PLOD2: variants seen among roughly 807,000 people sequenced by gnomAD.
PLOD2 encodes procollagen-lysine,2-oxoglutarate 5-dioxygenase 2.
A neutral mutation model predicts 101.0 loss-of-function variants in PLOD2; 65 were observed. That is an observed-to-expected ratio of 0.64 (90% CI 0.53 to 0.79). The LOEUF (loss-of-function observed/expected upper bound fraction) is 0.79. Among genes scored for constraint, PLOD2 ranks in the 30% least tolerant of loss-of-function variants. The probability of loss-of-function intolerance (pLI) is 0.00; values close to 1 mark genes in which losing one functional copy is unlikely to be tolerated. For missense variants in PLOD2, 909 were observed against 914.6 expected, an observed-to-expected ratio of 0.99 and a Z score of 0.08; for synonymous variants, 314 against 302.9, an observed-to-expected ratio of 1.04 and a Z score of -0.38.
chr3:146,106,485 C>T, intron 5 of PLOD2, 47 bp downstream of exon 5: 1 of 884,470 alleles, frequency 1.1e-6, no homozygotes, highest in Non-Finnish European at 1.9e-6. Context: ...ATATAACACA[C>T]AAAACAACCA....
intron 1 of PLOD2, among the ~76,000 whole-genome samples, chr3:146,141,850 C>T (rs1018363338): frequency 2.0e-5 from 3 of 151,930 alleles, no homozygotes; most frequent in African/African-American, 7.3e-5. Flanking sequence ...ATAAGTTCAA[C>T]AACACGAAGA....
At chr3:146,157,993 T>C (rs1399423771) in intron 1 of PLOD2, among the ~76,000 whole-genome samples, 1 of 152,224 alleles carries the variant, frequency 6.6e-6, no homozygotes, top group African/African-American at 2.4e-5. Context: ...ATACTGGTCT[T>C]GACAGAAACA....
chr3:146,097,175 TG>T (rs1293869675), intron 7 of PLOD2, among the ~76,000 whole-genome samples: 3 of 108,420 alleles, frequency 2.8e-5, no homozygotes, highest in Non-Finnish European at 5.8e-5. Flanking sequence ...GGGAGGGAGG[TG>T]GGGGGTCAGC....
intron 7 of PLOD2, among the ~76,000 whole-genome samples, chr3:146,093,651 A>G (rs186781430): frequency 1.3e-5 from 2 of 152,298 alleles, no homozygotes; most frequent in African/African-American, 4.8e-5. Flanking sequence ...AGTTTTTTTA[A>G]AAGACAGAAA....
chr3:146,078,610 T>C (rs1936424880), intron 13 of PLOD2, among the ~76,000 whole-genome samples: 2 of 151,880 alleles, frequency 1.3e-5, no homozygotes, highest in Admixed American at 6.6e-5. Context: ...ACACTATGTA[T>C]CTCAACACTT....
At chr3:146,140,262 T>C (rs1377070477) in intron 1 of PLOD2, among the ~76,000 whole-genome samples, 2 of 152,014 alleles carry the variant, frequency 1.3e-5, no homozygotes, top group Non-Finnish European at 2.9e-5. Flanking sequence ...CTTATGACAA[T>C]TCATCAAAAG....
chr3:146,083,487 C>T (rs1016749801), intron 11 of PLOD2, among the ~76,000 whole-genome samples: 6 of 152,038 alleles, frequency 3.9e-5, no homozygotes, highest in Non-Finnish European at 5.9e-5. Flanking sequence ...TAAACCTAAA[C>T]CTTTGATTAA....
chr3:146,111,925 C>A (rs982367753), intron 3 of PLOD2, among the ~76,000 whole-genome samples: 3 of 151,930 alleles, frequency 2.0e-5, no homozygotes, highest in African/African-American at 7.3e-5. Context: ...GGCAAATAAA[C>A]TAAAGTCTCT....
chr3:146,096,865 C>CT (rs1937188085), intron 7 of PLOD2, among the ~76,000 whole-genome samples: 1 of 62,380 alleles, frequency 1.6e-5, no homozygotes. Flanking sequence ...CCAGCTGCCC[C>CT]GTCCGGGAGG....
At chr3:146,089,754 A>G (rs909316494) in intron 8 of PLOD2, among the ~76,000 whole-genome samples, 1 of 151,650 alleles carries the variant, frequency 6.6e-6, no homozygotes, top group Non-Finnish European at 1.5e-5. Flanking sequence ...AAACAAATAC[A>G]AAGAACACAA....
At chr3:146,129,261 A>C (rs1562699) in intron 1 of PLOD2, among the ~76,000 whole-genome samples, 79,571 of 151,890 alleles carry the variant, frequency 0.52, 21,016 homozygotes, top group African/African-American at 0.58. Flanking sequence ...TTCAGGCCTT[A>C]TGGGCCACAT....
intron 11 of PLOD2, among the ~76,000 whole-genome samples, chr3:146,082,664 G>A (rs1382179466): frequency 5.9e-5 from 9 of 152,084 alleles, no homozygotes; most frequent in African/African-American, 1.7e-4. Flanking sequence ...AAGCCGAGGC[G>A]GGCGGATCAC....
At chr3:146,076,215 C>T (rs1200268636) in intron 15 of PLOD2, 1 of 151,768 alleles carries the variant, frequency 6.6e-6, no homozygotes, top group Non-Finnish European at 1.5e-5. Context: ...TTTTCTGTGC[C>T]ATTAATTCAC....
chr3:146,102,917 G>A (rs972801514), intron 6 of PLOD2, 65 bp from the exon 7 acceptor site: 7 of 823,058 alleles, frequency 8.5e-6, no homozygotes, highest in Non-Finnish European at 1.5e-5. Context: ...CTGTATTCGT[G>A]TGTCTGTGTG....
chr3:146,085,138 C>T (rs764330876), intron 11 of PLOD2, 31 bp downstream of exon 11: 3 of 962,120 alleles, frequency 3.1e-6, no homozygotes, highest in South Asian at 2.6e-5. Context: ...ATCATTTTAA[C>T]AATAAATTGA....
In PLOD2 at chr3:146,120,726, T is replaced by C. The variant is rs1008211407; in HGVS notation, c.338+386A>G. On this transcript the variant is annotated intron_variant, in intron 3 of 19. Transcript: ENST00000282903. ...TCTACTTTTTAAAACAATAATTCCT[T>C]GTCAATAATTTTTTTTTGAAATGGA... Among the ~76,000 whole-genome samples the C allele has an allele frequency of 2.0e-5, 3 of 152,104 alleles. No homozygotes were observed. In the South Asian group the frequency reaches 6.2e-4, roughly 32 times the overall value.
intron 12 of PLOD2, 38 bp from the exon 13 acceptor site, chr3:146,079,295 TACAA>T: frequency 4.6e-6 from 7 of 1,511,078 alleles, no homozygotes; most frequent in South Asian, 1.1e-5. Context: ...ATACCACAAA[TACAA>T]ACAATTTTAA....
At chr3:146,148,671 C>T (rs991912810) in intron 1 of PLOD2, among the ~76,000 whole-genome samples, 2 of 152,168 alleles carry the variant, frequency 1.3e-5, no homozygotes, top group African/African-American at 4.8e-5. Context: ...TCCAATAATT[C>T]AAAGCACAAC....
At chr3:146,153,778 T>C (rs2108145397) in intron 1 of PLOD2, among the ~76,000 whole-genome samples, 1 of 150,694 alleles carries the variant, frequency 6.6e-6, no homozygotes, top group Admixed American at 6.6e-5. Flanking sequence ...AAAAATTATG[T>C]GTACTTGAAA....
Sources: allele counts gnomAD v4.1 joint callset (sites outside exome capture counted in the v4.1 genomes callset), GRCh38; gene constraint gnomAD v4.1.1; transcripts MANE v1.5; gene names NCBI Gene and HGNC (gene_info 2026-07-23, HGNC 2026-07-21).